The following NELL2 variants were observed in gnomAD, a reference collection of about 807,000 sequenced individuals.
NELL2 encodes the protein protein kinase C-binding protein NELL2.
NELL2 carries 41 observed loss-of-function variants against 109.6 expected under a neutral mutation model. The observed-to-expected ratio is 0.37, with a 90% confidence interval of 0.29 to 0.49. The LOEUF (loss-of-function observed/expected upper bound fraction) is 0.49. Among genes scored for constraint, NELL2 ranks in the 20% least tolerant of loss-of-function variants. NELL2 has a pLI of 0.98. For missense variants in NELL2, 900 were observed against 1,008.3 expected, an observed-to-expected ratio of 0.89 and a Z score of 1.45; for synonymous variants, 355 against 344.7, an observed-to-expected ratio of 1.03 and a Z score of -0.33.
chr12:44,654,545 A>G (rs1395415306), intron 13 of NELL2, among the ~76,000 whole-genome samples: 1 of 152,184 alleles, frequency 6.6e-6, no homozygotes, highest in Non-Finnish European at 1.5e-5. Context: ...TTACAGCAAA[A>G]GTAACAGGAT....
chr12:44,624,637 T>A (rs2136276377), intron 13 of NELL2, among the ~76,000 whole-genome samples: 1 of 152,092 alleles, frequency 6.6e-6, no homozygotes, highest in African/African-American at 2.4e-5. Context: ...ACTCACAATA[T>A]CCCTTTAAGG....
chr12:44,615,283 C>G (rs1282557214), intron 13 of NELL2, among the ~76,000 whole-genome samples: 1 of 151,938 alleles, frequency 6.6e-6, no homozygotes, highest in East Asian at 1.9e-4. Context: ...TTAAAAACAC[C>G]ATTCACATAC....
At chr12:44,723,999 A>G (rs1938933091) in intron 9 of NELL2, among the ~76,000 whole-genome samples, 1 of 152,082 alleles carries the variant, frequency 6.6e-6, no homozygotes, top group South Asian at 2.1e-4. Flanking sequence ...CTAACTGCCA[A>G]TCAACAAGGA....
At chr12:44,510,610 G>C (rs1385360057) in intron 19 of NELL2, among the ~76,000 whole-genome samples, 3 of 152,236 alleles carry the variant, frequency 2.0e-5, no homozygotes, top group African/African-American at 4.8e-5. Context: ...AATATTATCA[G>C]TTTAACTTAT....
At chr12:44,633,163 T>G (rs1323907260) in intron 13 of NELL2, among the ~76,000 whole-genome samples, 1 of 151,988 alleles carries the variant, frequency 6.6e-6, no homozygotes, top group Non-Finnish European at 1.5e-5. Context: ...GAAGTTTGAT[T>G]ATGAGGTAAA....
At chr12:44,801,604 G>T (rs1365824692) in intron 3 of NELL2, among the ~76,000 whole-genome samples, 1 of 151,944 alleles carries the variant, frequency 6.6e-6, no homozygotes, top group Non-Finnish European at 1.5e-5. Flanking sequence ...CATCTCTCAG[G>T]GTCCCATTTC....
At chr12:44,818,774 C>T (rs529903842) in intron 2 of NELL2, among the ~76,000 whole-genome samples, 25 of 114,396 alleles carry the variant, frequency 2.2e-4, no homozygotes, top group Non-Finnish European at 2.8e-4. Flanking sequence ...CTCGCTCTGT[C>T]GCCCAGGCCG....
intron 1 of NELL2, among the ~76,000 whole-genome samples, chr12:44,896,944 C>T (rs965593508): frequency 6.6e-6 from 1 of 152,116 alleles, no homozygotes. Flanking sequence ...AATAGGAAAG[C>T]AATGAAGGTT....
At chr12:44,553,256 A>T (rs1450549756) in intron 15 of NELL2, among the ~76,000 whole-genome samples, 1 of 136,178 alleles carries the variant, frequency 7.3e-6, no homozygotes, top group Non-Finnish European at 1.6e-5. Context: ...GTACCCTAAA[A>T]CTTAAAGTAT....
At chr12:44,850,236 A>C (rs1409052292) in intron 2 of NELL2, among the ~76,000 whole-genome samples, 1 of 152,178 alleles carries the variant, frequency 6.6e-6, no homozygotes, top group Non-Finnish European at 1.5e-5. Flanking sequence ...AGTCCTAAAA[A>C]ATAGTTTTTT....
At chr12:44,807,054 T>C (rs895426855) in intron 3 of NELL2, among the ~76,000 whole-genome samples, 1 of 151,496 alleles carries the variant, frequency 6.6e-6, no homozygotes, top group Non-Finnish European at 1.5e-5. Flanking sequence ...CAAGACTACC[T>C]GATCTCAGGA....
chr12:44,669,916 C>T (rs1453874955), intron 12 of NELL2, among the ~76,000 whole-genome samples: 1 of 152,168 alleles, frequency 6.6e-6, no homozygotes, highest in Non-Finnish European at 1.5e-5. Flanking sequence ...TCCCAGATAG[C>T]TGTAATTCAA....
intron 13 of NELL2, among the ~76,000 whole-genome samples, chr12:44,620,266 G>A (rs1030966620): frequency 7.9e-5 from 12 of 151,818 alleles, no homozygotes; most frequent in African/African-American, 4.8e-5. Context: ...TCTGTTTAAC[G>A]ACCGCCACTT....
At chr12:44,791,183 CAT>C (rs748283455) in intron 3 of NELL2, among the ~76,000 whole-genome samples, 271 of 15,016 alleles carry the variant, frequency 0.018, 1 homozygote, top group South Asian at 0.042. Flanking sequence ...AGTATTCCAT[CAT>C]ATATATATAT....
chr12:44,896,812 T>C (rs1945598658), intron 1 of NELL2, among the ~76,000 whole-genome samples: 1 of 152,174 alleles, frequency 6.6e-6, no homozygotes, highest in Non-Finnish European at 1.5e-5. Context: ...GTTTTCTCCC[T>C]GTCTAAAGAA....
intron 12 of NELL2, among the ~76,000 whole-genome samples, chr12:44,691,678 C>T (rs1948903704): frequency 1.3e-5 from 2 of 152,120 alleles, no homozygotes; most frequent in Admixed American, 1.3e-4. Flanking sequence ...AAAAGTGTTA[C>T]TCCACAGAAC....
chr12:44,655,024 C>T (rs1420753442), intron 13 of NELL2, among the ~76,000 whole-genome samples: 1 of 152,168 alleles, frequency 6.6e-6, no homozygotes, highest in African/African-American at 2.4e-5. Flanking sequence ...TGCTAAGACA[C>T]CGTTATTATT....
chr12:44,642,944 T>C (rs957239873), intron 13 of NELL2, among the ~76,000 whole-genome samples: 10 of 151,918 alleles, frequency 6.6e-5, no homozygotes, highest in African/African-American at 2.4e-4. Context: ...CTTACCACAA[T>C]AAAGAGACAT....
intron 15 of NELL2, among the ~76,000 whole-genome samples, chr12:44,545,869 C>A (rs1942774487): frequency 6.6e-6 from 1 of 152,034 alleles, no homozygotes; most frequent in Non-Finnish European, 1.5e-5. Flanking sequence ...CTATGCCTTC[C>A]AGAGCCATTT....
Sources: gnomAD v4.1 joint callset for allele counts (sites outside exome capture counted in the v4.1 genomes callset) on GRCh38, gnomAD v4.1.1 for gene constraint, MANE v1.5 for transcripts, NCBI Gene and HGNC (gene_info 2026-07-23, HGNC 2026-07-21) for gene names.